Variants in PLXDC2 observed in about 807,000 individuals in gnomAD.
PLXDC2 encodes the protein plexin domain-containing protein 2.
In PLXDC2, 40 loss-of-function variants were observed where a neutral mutation model predicts 68.9. That is an observed-to-expected ratio of 0.58 (90% CI 0.45 to 0.76). PLXDC2 has a LOEUF of 0.76. PLXDC2 is among the 30% of genes least tolerant of loss of function. The pLI, the probability that PLXDC2 is intolerant of heterozygous loss-of-function variation, is 0.00. For synonymous variants in PLXDC2, 243 were observed against 234.2 expected, an observed-to-expected ratio of 1.04 and a Z score of -0.34; for missense variants, 644 against 661.9, an observed-to-expected ratio of 0.97 and a Z score of 0.30.
intron 1 of PLXDC2, among the ~76,000 whole-genome samples, chr10:19,856,279 C>G (rs1837210368): frequency 6.6e-6 from 1 of 150,864 alleles, no homozygotes. Flanking sequence ...TATTTTTTTG[C>G]TTTTAGGCTT....
intron 1 of PLXDC2, among the ~76,000 whole-genome samples, chr10:19,958,316 A>C (rs1834103412): frequency 6.6e-6 from 1 of 152,140 alleles, no homozygotes; most frequent in African/African-American, 2.4e-5. Flanking sequence ...GTCTCATGCT[A>C]TTGTGGAAAG....
intron 2 of PLXDC2, among the ~76,000 whole-genome samples, chr10:20,008,587 A>C (rs1354095172): frequency 6.6e-6 from 1 of 152,128 alleles, no homozygotes; most frequent in African/African-American, 2.4e-5. Context: ...GATTGTGTTG[A>C]TGATGATTTT....
intron 4 of PLXDC2, among the ~76,000 whole-genome samples, chr10:20,128,464 C>G (rs974058284): frequency 6.6e-6 from 1 of 152,112 alleles, no homozygotes; most frequent in Non-Finnish European, 1.5e-5. Flanking sequence ...CCGCTATAAG[C>G]TTGATTAATA....
At chr10:20,080,254 A>AT in intron 4 of PLXDC2, among the ~76,000 whole-genome samples, 1 of 152,322 alleles carries the variant, frequency 6.6e-6, no homozygotes, top group South Asian at 2.1e-4. Context: ...TGCAGGTTGT[A>AT]TTAGGGTTCT....
intron 1 of PLXDC2, among the ~76,000 whole-genome samples, chr10:19,902,058 G>C (rs1047895126): frequency 1.3e-5 from 2 of 152,170 alleles, no homozygotes; most frequent in Admixed American, 6.5e-5. Context: ...GTACCATGCT[G>C]TTTGGGAGAC....
chr10:19,914,701 G>T (rs1321091291), intron 1 of PLXDC2, among the ~76,000 whole-genome samples: 1 of 152,164 alleles, frequency 6.6e-6, no homozygotes, highest in East Asian at 1.9e-4. Flanking sequence ...CATTATTTTA[G>T]GATGGGAAGA....
intron 4 of PLXDC2, among the ~76,000 whole-genome samples, chr10:20,118,576 A>C (rs962081597): frequency 6.6e-6 from 1 of 152,196 alleles, no homozygotes; most frequent in East Asian, 1.9e-4. Context: ...TTCTAAATCC[A>C]TAGTGTAGCT....
intron 3 of PLXDC2, among the ~76,000 whole-genome samples, chr10:20,066,073 C>T (rs1836205570): frequency 6.6e-6 from 1 of 152,214 alleles, no homozygotes; most frequent in East Asian, 1.9e-4. Flanking sequence ...GATTACACAA[C>T]TGTTTAGCAG....
intron 6 of PLXDC2, 63 bp from the exon 7 acceptor site, chr10:20,164,405 T>C (rs1834345311): frequency 1.5e-6 from 2 of 1,297,946 alleles, no homozygotes; most frequent in African/African-American, 1.5e-5. Flanking sequence ...AGGATCCTAC[T>C]ACCTTTCCTC....
At chr10:20,272,929 C>G (rs751916045) in intron 13 of PLXDC2, among the ~76,000 whole-genome samples, 6 of 152,214 alleles carry the variant, frequency 3.9e-5, no homozygotes, top group Non-Finnish European at 8.8e-5. Flanking sequence ...TGGCTCCCAA[C>G]AGTGAACTCA....
chr10:19,939,243 G>A (rs140222204), intron 1 of PLXDC2, among the ~76,000 whole-genome samples: 1 of 152,324 alleles, frequency 6.6e-6, no homozygotes, highest in Non-Finnish European at 1.5e-5. Flanking sequence ...TAATGAAACA[G>A]CCATTTCTAG....
intron 1 of PLXDC2, among the ~76,000 whole-genome samples, chr10:19,916,594 C>T (rs1833371063): frequency 6.6e-6 from 1 of 152,008 alleles, no homozygotes; most frequent in South Asian, 2.1e-4. Flanking sequence ...CTATATAAAA[C>T]AATTGTCACA....
intron 13 of PLXDC2, among the ~76,000 whole-genome samples, chr10:20,268,300 A>G (rs901025410): frequency 6.6e-6 from 1 of 152,204 alleles, no homozygotes; most frequent in Non-Finnish European, 1.5e-5. Flanking sequence ...AACATACACC[A>G]TTTTGGATAC....
chr10:19,907,228 C>A (rs1008171810), intron 1 of PLXDC2, among the ~76,000 whole-genome samples: 7 of 152,182 alleles, frequency 4.6e-5, no homozygotes, highest in African/African-American at 1.7e-4. Context: ...TCTCCATGAT[C>A]ATTTCCTTTA....
chr10:19,899,625 A>G (rs1190094781), intron 1 of PLXDC2, among the ~76,000 whole-genome samples: 2 of 152,178 alleles, frequency 1.3e-5, no homozygotes, highest in African/African-American at 4.8e-5. Flanking sequence ...TTTTAAGTAT[A>G]TATTTGGTCT....
chr10:20,014,477 T>C (rs1835175831), intron 2 of PLXDC2, among the ~76,000 whole-genome samples: 1 of 151,320 alleles, frequency 6.6e-6, no homozygotes, highest in Non-Finnish European at 1.5e-5. Context: ...TTCTTTTTTT[T>C]CCTTTCTTTC....
intron 6 of PLXDC2, among the ~76,000 whole-genome samples, chr10:20,157,394 T>C (rs1312929107): frequency 6.6e-6 from 1 of 152,234 alleles, no homozygotes. Context: ...GCTGAGATAC[T>C]GTGCTGCCTA....
intron 13 of PLXDC2, among the ~76,000 whole-genome samples, chr10:20,253,366 A>AAAT (rs1351269163): frequency 8.4e-4 from 95 of 112,864 alleles, no homozygotes; most frequent in African/African-American, 2.9e-3. Flanking sequence ...TTCTGTCTCA[A>AAAT]AATGATAATA....
intron 1 of PLXDC2, among the ~76,000 whole-genome samples, chr10:19,944,911 C>T (rs1833876445): frequency 6.6e-6 from 1 of 152,192 alleles, no homozygotes; most frequent in Non-Finnish European, 1.5e-5. Flanking sequence ...GAAATTGCGC[C>T]ACTGCACTCC....
Sources: allele counts gnomAD v4.1 joint callset (sites outside exome capture counted in the v4.1 genomes callset), GRCh38; gene constraint gnomAD v4.1.1; transcripts MANE v1.5; gene names NCBI Gene and HGNC (gene_info 2026-07-23, HGNC 2026-07-21).